TPMT: variants seen among roughly 807,000 people sequenced by gnomAD.
The protein encoded by TPMT is S-adenosyl-L-methionine:thiopurine S-methyltransferase.
In TPMT, 18 loss-of-function variants were observed where a neutral mutation model predicts 34.2. That is an observed-to-expected ratio of 0.53 (90% CI 0.36 to 0.78). The LOEUF is 0.78. Among genes scored for constraint, TPMT ranks in the 30% least tolerant of loss-of-function variants. TPMT has a pLI of 0.00. For synonymous variants in TPMT, 69 were observed against 92.4 expected, an observed-to-expected ratio of 0.75 and a Z score of 1.45; for missense variants, 265 against 288.1, an observed-to-expected ratio of 0.92 and a Z score of 0.58.
chr6:18,134,942 T>A (rs2150709869), intron 6 of TPMT, among the ~76,000 whole-genome samples: 1 of 152,278 alleles, frequency 6.6e-6, no homozygotes, highest in Admixed American at 6.5e-5. Context: ...GCACTCCAGT[T>A]TCTATGGAGC....
Position 18,130,689 on chromosome 6 carries a change from T to C in TPMT, c.717A>G (p.Leu239=), listed in dbSNP as rs2150707327. The C allele has an allele frequency of 2.5e-6, 4 of 1,611,048 alleles. No homozygotes were observed. The highest frequency in any genetic ancestry group is 3.4e-6 in the Non-Finnish European group (4 of 1,178,476). Reference sequence around the variant, plus strand: ...TCATTTACTTTTCTGTAAGTAGATATAACTTTTCAAAAAGACAGTCAATTC... The same window carrying C: ...TCATTTACTTTTCTGTAAGTAGATACAACTTTTCAAAAAGACAGTCAATTC... ...SWGIDCLFEK[L]YLLTEK is the part of the protein sequence containing the mutation. The change falls in exon 9 of 9, where the codon TTA becomes TTG. Residue 239 remains leucine (L), a synonymous_variant. Coordinates refer to ENST00000309983, the MANE Select transcript of TPMT (RefSeq NM_000367.5). This position sits in a 1 kb window ranked among gnomAD's most constrained non-coding sequence, Gnocchi z 4.2.
intron 3 of TPMT, among the ~76,000 whole-genome samples, chr6:18,144,141 A>C (rs1403704512): frequency 6.6e-6 from 1 of 152,220 alleles, no homozygotes; most frequent in Non-Finnish European, 1.5e-5. Context: ...CCAATAAAAT[A>C]GGCATTAGCC....
In TPMT at chr6:18,149,940, C is replaced by T. The variant is rs570250901; in HGVS notation, c.-44-769G>A. Reference sequence around the variant, plus strand: ...CATCAACACACAAGATTTCTGTGACCAAATGTGGGGGTTCTTCCCCCAGCA... The same window carrying T: ...CATCAACACACAAGATTTCTGTGACTAAATGTGGGGGTTCTTCCCCCAGCA... On this transcript the variant is annotated intron_variant, in intron 1 of 8. Coordinates refer to ENST00000309983, the MANE Select transcript of TPMT (RefSeq NM_000367.5). This position sits in a 1 kb window ranked among gnomAD's most constrained non-coding sequence, Gnocchi z 5.0. Among the ~76,000 whole-genome samples, 106 of 152,298 alleles carry T rather than the reference C, an allele frequency of 7.0e-4. No individual in the cohort carries two copies. The highest frequency in any genetic ancestry group is 2.3e-3 in the Admixed American group (35 of 15,304).
rs1038525824 is a variant in TPMT at position 18,135,424 on chromosome 6, C to T, written c.495-1535G>A. 2.0e-5 allele frequency among the ~76,000 whole-genome samples: 3 copies of T among 152,154 alleles called. No individual in the cohort carries two copies. The highest frequency in any genetic ancestry group is 1.3e-4 in the Admixed American group (2 of 15,274). Reference sequence around the variant, plus strand: ...ACATTAGGCAAGAACTCGAGAGTCACAGCAGAAAATACATCAGTACTTGAC... The same window carrying T: ...ACATTAGGCAAGAACTCGAGAGTCATAGCAGAAAATACATCAGTACTTGAC... On this transcript the variant is annotated intron_variant, in intron 6 of 8. Transcript: ENST00000309983. This position sits in a 1 kb window ranked among gnomAD's most constrained non-coding sequence, Gnocchi z 5.0.
In TPMT at chr6:18,143,158, T is replaced by C. The variant is rs1784179091; in HGVS notation, c.366+438A>G. Among the ~76,000 whole-genome samples, 1 of 152,202 alleles carries C rather than the reference T, an allele frequency of 6.6e-6. No individual in the cohort carries two copies. Among genetic ancestry groups the C allele is most frequent in the African/African-American group, 2.4e-5 (1 of 41,462 alleles). On this transcript the variant is annotated intron_variant, in intron 4 of 8. Transcript: ENST00000309983. This position sits in a 1 kb window ranked among gnomAD's most constrained non-coding sequence, Gnocchi z 6.1. ...AGGTAACTCCCATCTCTTCCCTTAA[T>C]ACCCTGTGTCTTTACACTTAGCTCC...
rs765634225 is a variant in TPMT, at chr6:18,140,273, C to T, written c.367-556G>A. On this transcript the variant is annotated intron_variant, in intron 4 of 8. Coordinates refer to ENST00000309983, the MANE Select transcript of TPMT (RefSeq NM_000367.5). The surrounding 1 kb of genome is among the most constrained non-coding windows in gnomAD (Gnocchi z 4.7). ...GTGAGGACAGACTAGAGCAGAGAAGCGTGGGCACAGAGAACATTACAATCC... is the reference window on the plus strand; with the variant it reads ...GTGAGGACAGACTAGAGCAGAGAAGTGTGGGCACAGAGAACATTACAATCC... 3.3e-5 allele frequency among the ~76,000 whole-genome samples: 5 copies of T among 152,156 alleles called. No individual in the cohort carries two copies. The highest frequency in any genetic ancestry group is 7.3e-5 in the Non-Finnish European group (5 of 68,030).
chr6:18,142,870 G>A (rs1346056071), intron 4 of TPMT, among the ~76,000 whole-genome samples: 2 of 152,002 alleles, frequency 1.3e-5, no homozygotes, highest in African/African-American at 2.4e-5. Flanking sequence ...CGGGTCTATC[G>A]TAAATGTTGC....
In TPMT at chr6:18,132,816, G is replaced by T. The variant is rs892148322; in HGVS notation, c.581-639C>A. Among the ~76,000 whole-genome samples the T allele has an allele frequency of 6.6e-6, 1 of 151,826 alleles. No homozygotes were observed. The highest frequency in any genetic ancestry group is 6.6e-5 in the Admixed American group (1 of 15,212). On this transcript the variant is annotated intron_variant, in intron 7 of 8. Transcript: ENST00000309983. This position sits in a 1 kb window ranked among gnomAD's most constrained non-coding sequence, Gnocchi z 4.8. ...TTCAAGCAGAAACAAAATACTAGCT[G>T]GGAACGGTGGCTCACGCCTGTAATC...
In TPMT at chr6:18,147,909, TAA is replaced by T; in HGVS notation, c.145_146del (p.Leu49LysfsTer9). ...TAAGGAAAGTATCTAAATGCTTCTT[TAA>T]TAGCCTGAAGAGGAAAAAAAAAAAG... is the stretch of plus-strand genomic sequence containing the variant. ...AFHQEQGHQLLKKHLDTFLKG... is the reference protein window; with the variant it reads ...AFHQEQGHQLXKKHLDTFLKG... On this transcript the variant is annotated frameshift_variant, in exon 3 of 9. Transcript: ENST00000309983. LOFTEE classifies it high-confidence loss of function. 1.2e-6 allele frequency: 2 copies of T among 1,613,412 alleles called. No individual in the cohort carries two copies. Among genetic ancestry groups the T allele is most frequent in the East Asian group, 4.5e-5 (2 of 44,828 alleles).
chr6:18,139,764 G>T lies in TPMT; in HGVS notation c.367-47C>A. On this transcript the variant is annotated intron_variant, in intron 4 of 8. Coordinates refer to ENST00000309983, the MANE Select transcript of TPMT (RefSeq NM_000367.5). This position sits in a 1 kb window ranked among gnomAD's most constrained non-coding sequence, Gnocchi z 4.2. Reference sequence around the variant, plus strand: ...AAAATTTTTTTTTTTTACTTAGTAAGTACTTGAATAGTCAAGGAAAGAGGG... The same window carrying T: ...AAAATTTTTTTTTTTTACTTAGTAATTACTTGAATAGTCAAGGAAAGAGGG... 1 of 1,355,692 alleles carries T rather than the reference G, an allele frequency of 7.4e-7. No individual in the cohort carries two copies. 84.0% of individuals were successfully genotyped at this position (1,355,692 alleles called of 1,614,324 possible).
rs1784318599 is a variant in TPMT at position 18,149,735 on chromosome 6, GA to G, written c.-44-565del. On this transcript the variant is annotated intron_variant, in intron 1 of 8. Coordinates refer to ENST00000309983, the MANE Select transcript of TPMT (RefSeq NM_000367.5). The surrounding 1 kb of genome is among the most constrained non-coding windows in gnomAD (Gnocchi z 5.0). ...CTGTCTTGGCCTCGCAAAGCACTGGGATTACAAGTGTGAGTCACTGCACCTT... is the reference window on the plus strand; with the variant it reads ...CTGTCTTGGCCTCGCAAAGCACTGGGTTACAAGTGTGAGTCACTGCACCTT... Among the ~76,000 whole-genome samples, 1 of 152,106 alleles carries G rather than the reference GA, an allele frequency of 6.6e-6. No homozygotes were observed. The highest frequency in any genetic ancestry group is 1.5e-5 in the Non-Finnish European group (1 of 68,024).
At position 18,138,974 on chromosome 6, in the gene TPMT, A is replaced by C; in HGVS notation, c.483T>G (p.Gly161=). The change falls in exon 6 of 9, where the codon GGT becomes GGG. Residue 161 remains glycine, a synonymous_variant. Coordinates refer to ENST00000309983, the MANE Select transcript of TPMT (RefSeq NM_000367.5). The surrounding 1 kb of genome is among the most constrained non-coding windows in gnomAD (Gnocchi z 4.1). The part of the protein sequence containing the change: ...DRGALVAINP[G]DRKCYADTMF... ...GAAAAATTACTTACCATTTGCGATC[A>C]CCTGGATTGATGGCAACTAATGCTC... 1 of 1,613,462 alleles carries C rather than the reference A, an allele frequency of 6.2e-7. No individual in the cohort carries two copies. Among genetic ancestry groups the C allele is most frequent in the Non-Finnish European group, 8.5e-7 (1 of 1,179,378 alleles).
intron 1 of TPMT, among the ~76,000 whole-genome samples, chr6:18,151,769 T>C (rs1352256097): frequency 6.6e-6 from 1 of 152,048 alleles, no homozygotes; most frequent in Non-Finnish European, 1.5e-5. Flanking sequence ...ATGTCTTTAA[T>C]TTCCTTGTGG....
Position 18,148,266 on chromosome 6 carries a change from C to T in TPMT, c.141-351G>A, listed in dbSNP as rs1465687031. Among the ~76,000 whole-genome samples, 1 of 152,110 alleles carries T rather than the reference C, an allele frequency of 6.6e-6. No individual in the cohort carries two copies. The highest frequency in any genetic ancestry group is 1.5e-5 in the Non-Finnish European group (1 of 68,032). ...TTAATTTCATGGTACGTTCTCTAAA[C>T]GTGTACTCAAGCCTCGGAAGTAAAC... On this transcript the variant is annotated intron_variant, in intron 2 of 8. Coordinates refer to ENST00000309983, the MANE Select transcript of TPMT (RefSeq NM_000367.5). The surrounding 1 kb of genome is among the most constrained non-coding windows in gnomAD (Gnocchi z 4.1).
In TPMT at chr6:18,139,572, G is replaced by T; in HGVS notation, c.419+93C>A. The T allele has an allele frequency of 9.9e-7, 1 of 1,008,644 alleles. No individual in the cohort carries two copies. Among genetic ancestry groups the T allele is most frequent in the Non-Finnish European group, 1.6e-6 (1 of 638,654 alleles). The allele number at this position is 1,008,644 out of a possible 1,614,324, so 62.5% of individuals were successfully genotyped here. ...AATGCTTTGTGGATGTTACACAGGAGGAAGAGAGTGAGGAAGACACCTCCA... is the reference window on the plus strand; with the variant it reads ...AATGCTTTGTGGATGTTACACAGGATGAAGAGAGTGAGGAAGACACCTCCA... On this transcript the variant is annotated intron_variant, in intron 5 of 8. Transcript: ENST00000309983. The surrounding 1 kb of genome is among the most constrained non-coding windows in gnomAD (Gnocchi z 4.2).
chr6:18,152,849 C>G (rs186365992), intron 1 of TPMT, among the ~76,000 whole-genome samples: 10 of 152,266 alleles, frequency 6.6e-5, no homozygotes, highest in Non-Finnish European at 1.3e-4. Flanking sequence ...TATCAACCAA[C>G]CCCCTGATGC....
chr6:18,143,714 C>T lies in TPMT; in HGVS notation c.248G>A (p.Gly83Glu). 6.2e-7 allele frequency: 1 copy of T among 1,614,008 alleles called. No individual in the cohort carries two copies. Among genetic ancestry groups the T allele is most frequent in the Non-Finnish European group, 8.5e-7 (1 of 1,179,980 alleles). ...AVEMKWFADRGHSVVGVEISE... is the reference protein window; with the variant it reads ...AVEMKWFADREHSVVGVEISE... ...GATTTCCACACCAACTACACTGTGT[C>T]CCCGGTCTGCAAACCTGCATAAAAT... The change falls in exon 4 of 9, where the codon GGA becomes GAA. Residue 83 changes from glycine to glutamate, a missense_variant. Gly to Glu is a moderately conservative substitution (Grantham distance 98, BLOSUM62 -2). Transcript: ENST00000309983. The surrounding 1 kb of genome is among the most constrained non-coding windows in gnomAD (Gnocchi z 6.1).
chr6:18,144,367 T>TTTTATTTA, intron 3 of TPMT, among the ~76,000 whole-genome samples: 1 of 152,186 alleles, frequency 6.6e-6, no homozygotes, highest in East Asian at 1.9e-4. Context: ...GTCCTGGTAA[T>TTTTATTTA]TTTATTTATT....
In TPMT at chr6:18,149,475, T is replaced by G. The variant is rs1420892562; in HGVS notation, c.-44-304A>C. Among the ~76,000 whole-genome samples, 1 of 151,658 alleles carries G rather than the reference T, an allele frequency of 6.6e-6. No homozygotes were observed. Among genetic ancestry groups the G allele is most frequent in the Admixed American group, 6.6e-5 (1 of 15,240 alleles). On this transcript the variant is annotated intron_variant, in intron 1 of 8. Transcript: ENST00000309983. This position sits in a 1 kb window ranked among gnomAD's most constrained non-coding sequence, Gnocchi z 5.0. ...CCAGCTAATCTTTCTTTCCTTGTTT[T>G]TTTTTTTTTCAGAGACAAGGTCTTG... is the stretch of plus-strand genomic sequence containing the variant.
Sources: allele counts gnomAD v4.1 joint callset (sites outside exome capture counted in the v4.1 genomes callset), GRCh38; gene constraint gnomAD v4.1.1; non-coding constraint Gnocchi (gnomAD v3.1); transcripts MANE v1.5; gene names NCBI Gene and HGNC (gene_info 2026-07-23, HGNC 2026-07-21).